Variants in CNTN4 observed in about 807,000 individuals in gnomAD.
The protein encoded by CNTN4 is contactin 4.
Under a neutral mutation model 122.5 loss-of-function variants are expected in CNTN4, and 77 were observed. The ratio of observed to expected loss-of-function variants is 0.63; its 90% CI spans 0.52 to 0.76. The LOEUF (loss-of-function observed/expected upper bound fraction) is 0.76, where lower values mean the gene tolerates loss of function less well. Ranked by LOEUF, CNTN4 falls within the 30% of genes least tolerant of loss-of-function variation. CNTN4 has a pLI of 0.00. For synonymous variants in CNTN4, 512 were observed against 447.0 expected (o/e 1.15, Z -1.83); for missense variants, 1,256 against 1,259.1 (o/e 1.00, Z 0.04).
chr3:2,100,402 A>AT lies in CNTN4; in HGVS notation c.-226-149dup, dbSNP rs1392181178. Among the ~76,000 whole-genome samples the AT allele has an allele frequency of 4.6e-5, 7 of 152,196 alleles. No homozygotes were observed. The East Asian group carries it at 7.7e-4, about 17-fold the overall frequency. On this transcript the variant is annotated intron_variant, in intron 1 of 24. Coordinates refer to ENST00000418658, the MANE Select transcript of CNTN4 (RefSeq NM_175607.3). ...ACAAGATAATTTGGAACGCGCTTGT[A>AT]TTTTTTTGTTTTTTGAGATTTCTGG...
intron 3 of CNTN4, among the ~76,000 whole-genome samples, chr3:2,456,093 G>T (rs1411196304): frequency 2.0e-5 from 3 of 151,912 alleles, no homozygotes; most frequent in Non-Finnish European, 4.4e-5. Flanking sequence ...AGAGAGATTG[G>T]GTCACCTGCT....
chr3:2,325,957 A>C (rs973467092), intron 2 of CNTN4, among the ~76,000 whole-genome samples: 1 of 152,224 alleles, frequency 6.6e-6, no homozygotes, highest in African/African-American at 2.4e-5. Flanking sequence ...AACTTGATAC[A>C]GAGTGAAAAG....
At chr3:2,820,957 C>CTT (rs1435679583) in intron 7 of CNTN4, among the ~76,000 whole-genome samples, 20 of 70,634 alleles carry the variant, frequency 2.8e-4, no homozygotes, top group African/African-American at 1.1e-3. Context: ...AACATTTTCT[C>CTT]TTTCTTTTTT....
At chr3:2,651,613 G>A (rs893835114) in intron 4 of CNTN4, among the ~76,000 whole-genome samples, 1 of 152,150 alleles carries the variant, frequency 6.6e-6, no homozygotes, top group South Asian at 2.1e-4. Context: ...CACTTTGGGA[G>A]ACTGAGCCAG....
chr3:2,369,913 G>A lies in CNTN4; in HGVS notation c.-89+30680G>A, dbSNP rs183011604. ...ATACTTCCCTCTTGAGAATGTCTGG[G>A]CCTGTTTATACTGTCACCATCGTTT... is the stretch of plus-strand genomic sequence containing the variant. On this transcript the variant is annotated intron_variant, in intron 3 of 24. Coordinates refer to ENST00000418658, the MANE Select transcript of CNTN4 (RefSeq NM_175607.3). Among the ~76,000 whole-genome samples the A allele has an allele frequency of 2.0e-5, 3 of 151,978 alleles. No individual in the cohort carries two copies. The East Asian group carries it at 5.8e-4, about 29-fold the overall frequency.
intron 2 of CNTN4, among the ~76,000 whole-genome samples, chr3:2,293,771 T>G (rs1424267620): frequency 1.3e-5 from 2 of 152,260 alleles, no homozygotes; most frequent in African/African-American, 4.8e-5. Flanking sequence ...CAATCCAGTT[T>G]ACCTAAATAT....
intron 4 of CNTN4, among the ~76,000 whole-genome samples, chr3:2,604,168 T>G (rs987692532): frequency 1.3e-5 from 2 of 152,178 alleles, no homozygotes; most frequent in Admixed American, 6.5e-5. Flanking sequence ...TCCAGAGAGA[T>G]ATCACTAATG....
chr3:3,056,044 CA>C, intron 24 of CNTN4, 75 bp from the exon 25 acceptor site: 2 of 1,050,642 alleles, frequency 1.9e-6, no homozygotes, highest in Non-Finnish European at 1.5e-6. Flanking sequence ...TCTGCTGTTT[CA>C]AAAAGCCCCG....
intron 2 of CNTN4, among the ~76,000 whole-genome samples, chr3:2,300,181 C>G (rs995408311): frequency 6.6e-6 from 1 of 152,138 alleles, no homozygotes; most frequent in Admixed American, 6.6e-5. Context: ...ACATTTTGAA[C>G]AAGAATGTTA....
chr3:2,124,435 C>A (rs2033997562), intron 2 of CNTN4, among the ~76,000 whole-genome samples: 1 of 97,414 alleles, frequency 1.0e-5, no homozygotes. Flanking sequence ...TTATTTAAAA[C>A]ACACACACAC....
chr3:2,633,778 G>C (rs1559329605), intron 4 of CNTN4, among the ~76,000 whole-genome samples: 1 of 152,266 alleles, frequency 6.6e-6, no homozygotes, highest in East Asian at 1.9e-4. Flanking sequence ...CTTTGCTCTT[G>C]ACCTCAAAAT....
intron 3 of CNTN4, among the ~76,000 whole-genome samples, chr3:2,535,802 G>C (rs1290585745): frequency 6.6e-6 from 1 of 152,040 alleles, no homozygotes; most frequent in Non-Finnish European, 1.5e-5. Flanking sequence ...GCATGTTTAA[G>C]AGACCCCCTC....
At chr3:2,383,448 C>T (rs557608220) in intron 3 of CNTN4, among the ~76,000 whole-genome samples, 10 of 152,162 alleles carry the variant, frequency 6.6e-5, no homozygotes, top group South Asian at 4.1e-4. Context: ...CTTTGAAGTA[C>T]GTACTATTTA....
chr3:2,135,414 A>G (rs1317935556), intron 2 of CNTN4, among the ~76,000 whole-genome samples: 1 of 152,236 alleles, frequency 6.6e-6, no homozygotes, highest in African/African-American at 2.4e-5. Context: ...GTAAATCTCT[A>G]TTCTGTAAGA....
At chr3:2,200,492 A>G (rs987469148) in intron 2 of CNTN4, among the ~76,000 whole-genome samples, 1 of 152,110 alleles carries the variant, frequency 6.6e-6, no homozygotes, top group African/African-American at 2.4e-5. Flanking sequence ...TCTATTACTA[A>G]CATTGGTAAG....
chr3:2,202,504 G>A (rs1174796396), intron 2 of CNTN4, among the ~76,000 whole-genome samples: 2 of 152,096 alleles, frequency 1.3e-5, no homozygotes, highest in African/African-American at 4.8e-5. Flanking sequence ...CAGACTATTA[G>A]AACCCTACTC....
intron 3 of CNTN4, among the ~76,000 whole-genome samples, chr3:2,423,018 G>A (rs985842919): frequency 6.6e-6 from 1 of 152,104 alleles, no homozygotes; most frequent in African/African-American, 2.4e-5. Flanking sequence ...ATTAACTTAG[G>A]GTTTTAGCAT....
chr3:2,487,691 C>T (rs578257778), intron 3 of CNTN4, among the ~76,000 whole-genome samples: 8 of 152,170 alleles, frequency 5.3e-5, no homozygotes, highest in Non-Finnish European at 1.2e-4. Flanking sequence ...AAGCCTTTGG[C>T]TAGATACTAC....
At chr3:2,687,606 C>T (rs987219134) in intron 4 of CNTN4, among the ~76,000 whole-genome samples, 3 of 152,170 alleles carry the variant, frequency 2.0e-5, no homozygotes, top group African/African-American at 4.8e-5. Flanking sequence ...GCCAAGATTG[C>T]ACTACTGCAC....
Sources: allele counts gnomAD v4.1 joint callset (sites outside exome capture counted in the v4.1 genomes callset), GRCh38; gene constraint gnomAD v4.1.1; transcripts MANE v1.5; gene names NCBI Gene and HGNC (gene_info 2026-07-23, HGNC 2026-07-21).